Variants in SYT9 observed in about 807,000 individuals in gnomAD.
The protein encoded by SYT9 is synaptotagmin-9.
A neutral mutation model predicts 48.4 loss-of-function variants in SYT9; 22 were observed. That is an observed-to-expected ratio of 0.45 (90% CI 0.32 to 0.65). The LOEUF is 0.65. Among genes scored for constraint, SYT9 ranks in the 30% least tolerant of loss-of-function variants. The pLI is 0.03. For synonymous variants in SYT9, 265 were observed against 245.0 expected (o/e 1.08, Z -0.76); for missense variants, 577 against 622.0 (o/e 0.93, Z 0.77).
At chr11:7,428,514 G>A (rs1847508661) in intron 6 of SYT9, among the ~76,000 whole-genome samples, 1 of 152,220 alleles carries the variant, frequency 6.6e-6, no homozygotes, top group African/African-American at 2.4e-5. Flanking sequence ...GAGGAAGACT[G>A]TTCCCTCCTG....
chr11:7,424,703 A>G (rs996110840), intron 6 of SYT9, among the ~76,000 whole-genome samples: 2 of 152,184 alleles, frequency 1.3e-5, no homozygotes, highest in Non-Finnish European at 2.9e-5. Context: ...GATCAGCACT[A>G]TTATCCTATA....
At chr11:7,453,498 G>A (rs11041388) in intron 6 of SYT9, among the ~76,000 whole-genome samples, 8,919 of 152,232 alleles carry the variant, frequency 0.059, 483 homozygotes, top group African/African-American at 0.14. Flanking sequence ...GGCAGTGAGT[G>A]GGGACCCCTG....
intron 6 of SYT9, among the ~76,000 whole-genome samples, chr11:7,462,127 A>C (rs1848247849): frequency 6.6e-6 from 1 of 152,224 alleles, no homozygotes; most frequent in African/African-American, 2.4e-5. Flanking sequence ...ATAATTTACC[A>C]TTCTGGGCAT....
At position 7,252,103 on chromosome 11, in the gene SYT9, C is replaced by T. The variant is rs983133208; in HGVS notation, c.-84C>T. ...TCCCTGGCGGTGAGCGCGGACGGCCCGGAGGCGGCGGCTCTGAGCTGGCAG... is the reference window on the plus strand; with the variant it reads ...TCCCTGGCGGTGAGCGCGGACGGCCTGGAGGCGGCGGCTCTGAGCTGGCAG... On this transcript the variant is annotated 5_prime_UTR_variant, in exon 1 of 7. Coordinates refer to ENST00000318881, the MANE Select transcript of SYT9 (RefSeq NM_175733.4). This position sits in a 1 kb window ranked among gnomAD's most constrained non-coding sequence, Gnocchi z 6.3. 9.0e-5 allele frequency: 118 copies of T among 1,309,848 alleles called. 1 individual carries two copies. Among genetic ancestry groups the T allele is most frequent in the South Asian group, 1.6e-4 (8 of 49,616 alleles). The allele number at this position is 1,309,848 out of a possible 1,614,324, so 81.1% of individuals were successfully genotyped here.
chr11:7,380,068 A>T (rs1283101840), intron 3 of SYT9, among the ~76,000 whole-genome samples: 3 of 152,168 alleles, frequency 2.0e-5, no homozygotes, highest in Non-Finnish European at 4.4e-5. Context: ...TGAATGGATA[A>T]AGAAAATGTG....
At chr11:7,245,542 C>T in intron 1 of SYT9, among the ~76,000 whole-genome samples, 1 of 151,952 alleles carries the variant, frequency 6.6e-6, no homozygotes, top group Middle Eastern at 3.2e-3. Flanking sequence ...AGAAGCATTA[C>T]CCAGTGTCTT....
intron 3 of SYT9, among the ~76,000 whole-genome samples, chr11:7,315,423 T>A (rs1849225672): frequency 6.6e-6 from 1 of 152,196 alleles, no homozygotes; most frequent in South Asian, 2.1e-4. Flanking sequence ...TAAGTCTCCC[T>A]GGTTATGGGA....
intron 6 of SYT9, among the ~76,000 whole-genome samples, chr11:7,434,322 G>A (rs7927399): frequency 0.59 from 89,339 of 151,504 alleles, 26,529 homozygotes; most frequent in East Asian, 0.7. Flanking sequence ...CTAGTTCTAA[G>A]GCGTCTATGG....
intron 1 of SYT9, among the ~76,000 whole-genome samples, chr11:7,290,083 T>TA: frequency 6.6e-6 from 1 of 152,106 alleles, no homozygotes; most frequent in East Asian, 1.9e-4. Flanking sequence ...GTACAAGTAG[T>TA]AAGGAGTTTT....
At chr11:7,260,872 C>G (rs1848065674) in intron 1 of SYT9, among the ~76,000 whole-genome samples, 1 of 152,184 alleles carries the variant, frequency 6.6e-6, no homozygotes, top group South Asian at 2.1e-4. Context: ...TAATTCCTGA[C>G]TATGCCAACA....
chr11:7,358,461 G>C (rs1010701676), intron 3 of SYT9, among the ~76,000 whole-genome samples: 9 of 151,910 alleles, frequency 5.9e-5, no homozygotes, highest in Non-Finnish European at 1.2e-4. Context: ...TTCTTAAGTA[G>C]GGCACTGTTA....
chr11:7,273,693 C>T (rs1352120735), intron 1 of SYT9, among the ~76,000 whole-genome samples: 1 of 152,116 alleles, frequency 6.6e-6, no homozygotes, highest in African/African-American at 2.4e-5. Flanking sequence ...TAAACTCAAT[C>T]TCCAGTATTA....
chr11:7,263,011 A>C (rs1042528819), intron 1 of SYT9, among the ~76,000 whole-genome samples: 1 of 152,128 alleles, frequency 6.6e-6, no homozygotes, highest in African/African-American at 2.4e-5. Context: ...ATATAGGATA[A>C]AGAGGGGAGG....
chr11:7,309,608 C>T (rs1018277934), intron 2 of SYT9, among the ~76,000 whole-genome samples: 2 of 152,210 alleles, frequency 1.3e-5, no homozygotes, highest in African/African-American at 4.8e-5. Context: ...GGTAATGGCT[C>T]TATATTCCGT....
chr11:7,341,558 G>T (rs1849713231), intron 3 of SYT9, among the ~76,000 whole-genome samples: 1 of 152,014 alleles, frequency 6.6e-6, no homozygotes, highest in Admixed American at 6.6e-5. Context: ...TGATTGTGAG[G>T]CCTCCTCAGC....
chr11:7,301,201 T>C (rs983181825), intron 1 of SYT9, among the ~76,000 whole-genome samples: 4 of 152,218 alleles, frequency 2.6e-5, no homozygotes, highest in Non-Finnish European at 5.9e-5. Flanking sequence ...GTTACCCATA[T>C]TGAAACTTCA....
At chr11:7,416,343 A>G (rs1847248245) in intron 4 of SYT9, among the ~76,000 whole-genome samples, 181 bp downstream of exon 4, 1 of 152,224 alleles carries the variant, frequency 6.6e-6, no homozygotes, top group Admixed American at 6.5e-5. Context: ...TTGGATTCCC[A>G]TCGGTAAGAT....
chr11:7,240,529 A>G (rs1245662003), intron 1 of SYT9, among the ~76,000 whole-genome samples: 4 of 152,202 alleles, frequency 2.6e-5, no homozygotes, highest in Non-Finnish European at 5.9e-5. Flanking sequence ...GCCTCCACAA[A>G]CAAGCTTTGA....
chr11:7,414,172 G>T (rs1310231095), intron 3 of SYT9, among the ~76,000 whole-genome samples: 1 of 152,200 alleles, frequency 6.6e-6, no homozygotes, highest in Admixed American at 6.5e-5. Context: ...CTTACAAAGT[G>T]TGTGCACAGT....
Sources: gnomAD v4.1 joint callset for allele counts (sites outside exome capture counted in the v4.1 genomes callset) on GRCh38, gnomAD v4.1.1 for gene constraint, Gnocchi (gnomAD v3.1) non-coding constraint, MANE v1.5 for transcripts, NCBI Gene and HGNC (gene_info 2026-07-23, HGNC 2026-07-21) for gene names.